STAT5B: variants seen among roughly 807,000 people sequenced by gnomAD.
STAT5B encodes transcription factor STAT5B.
A neutral mutation model predicts 107.8 loss-of-function variants in STAT5B; 21 were observed. The ratio of observed to expected loss-of-function variants is 0.19; its 90% CI spans 0.14 to 0.28. The LOEUF is 0.28. Ranked by LOEUF, STAT5B falls within the 10% of genes least tolerant of loss-of-function variation. The pLI, the probability that STAT5B is intolerant of heterozygous loss-of-function variation, is 1.00. For missense variants in STAT5B, 565 were observed against 1,008.2 expected (o/e 0.56, Z 5.95); for synonymous variants, 325 against 401.7 (o/e 0.81, Z 2.28).
chr17:42,228,027 T>C (rs1034439534), intron 2 of STAT5B, among the ~76,000 whole-genome samples: 10 of 152,130 alleles, frequency 6.6e-5, no homozygotes. Flanking sequence ...CTGAAGGAAA[T>C]AAGGACTTGG....
intron 16 of STAT5B, among the ~76,000 whole-genome samples, 192 bp downstream of exon 16, chr17:42,207,366 T>C (rs2080093163): frequency 6.6e-6 from 1 of 152,104 alleles, no homozygotes; most frequent in African/African-American, 2.4e-5. Context: ...GTAGATGTGT[T>C]TTCTGTATGA....
At chr17:42,284,791 C>T in the STAT5B span, among the ~76,000 whole-genome samples, 1 of 152,224 alleles carries the variant, frequency 6.6e-6, no homozygotes, top group African/African-American at 2.4e-5. Context: ...TACTGAGACC[C>T]TGCCCACAAG....
intron 1 of STAT5B, among the ~76,000 whole-genome samples, chr17:42,256,809 C>T (rs1046785708): frequency 3.1e-5 from 4 of 127,310 alleles, no homozygotes; most frequent in Admixed American, 3.0e-4. Flanking sequence ...GTGCAGTGAA[C>T]GGAGATTGCG....
chr17:42,217,145 G>C lies in STAT5B; in HGVS notation c.1380+15C>G, dbSNP rs1567658790. 6.2e-7 allele frequency: 1 copy of C among 1,607,966 alleles called. No homozygotes were observed. Among genetic ancestry groups the C allele is most frequent in the Admixed American group, 1.7e-5 (1 of 59,560 alleles). Reference sequence around the variant, plus strand: ...CACACGCACACGCACACGCAGAGCTGAGGGAAGGCTTTACCTTGACTTGAA... The same window carrying C: ...CACACGCACACGCACACGCAGAGCTCAGGGAAGGCTTTACCTTGACTTGAA... On this transcript the variant is annotated intron_variant, in intron 11 of 18. Transcript: ENST00000293328.
intron 1 of STAT5B, among the ~76,000 whole-genome samples, chr17:42,251,137 A>G (rs1433732288): frequency 1.3e-5 from 2 of 152,170 alleles, no homozygotes; most frequent in African/African-American, 4.8e-5. Context: ...ACAAACCTTC[A>G]AGCACAACCA....
At chr17:42,274,630 C>G (rs1308734074) in intron 1 of STAT5B, among the ~76,000 whole-genome samples, 1 of 152,136 alleles carries the variant, frequency 6.6e-6, no homozygotes, top group East Asian at 1.9e-4. Flanking sequence ...TTGAAGTGAT[C>G]AGAACCACTC....
chr17:42,219,595 A>G, intron 6 of STAT5B, 117 bp downstream of exon 6: 5 of 1,309,382 alleles, frequency 3.8e-6, no homozygotes, highest in Non-Finnish European at 5.2e-6. Flanking sequence ...GCCCCCAGGA[A>G]AAAAGGCCTC....
Position 42,256,597 on chromosome 17 carries a change from C to G in STAT5B, c.-11+19651G>C, listed in dbSNP as rs1425146064. On this transcript the variant is annotated intron_variant, in intron 1 of 18. Coordinates refer to ENST00000293328, the MANE Select transcript of STAT5B (RefSeq NM_012448.4). Reference sequence around the variant, plus strand: ...ACATTCGGCCAGGCACAGTGGCTCACGCCTGTAATCCCAGCATTTTGGGAG... The same window carrying G: ...ACATTCGGCCAGGCACAGTGGCTCAGGCCTGTAATCCCAGCATTTTGGGAG... Among the ~76,000 whole-genome samples, 5 of 152,204 alleles carry G rather than the reference C, an allele frequency of 3.3e-5. No homozygotes were observed. In the South Asian group the frequency reaches 1.0e-3, roughly 32 times the overall value.
chr17:42,205,068 C>T (rs1467022740), intron 16 of STAT5B, among the ~76,000 whole-genome samples: 3 of 152,202 alleles, frequency 2.0e-5, no homozygotes, highest in Non-Finnish European at 2.9e-5. Flanking sequence ...CGCTCTGTTG[C>T]CCAGGCTGGA....
chr17:42,224,036 C>T (rs2080252965), intron 4 of STAT5B, among the ~76,000 whole-genome samples: 1 of 152,102 alleles, frequency 6.6e-6, no homozygotes, highest in African/African-American at 2.4e-5. Flanking sequence ...GAATCATTTG[C>T]TTCCACCATG....
chr17:42,260,738 TTATA>T (rs2080587670), intron 1 of STAT5B, among the ~76,000 whole-genome samples: 1 of 152,272 alleles, frequency 6.6e-6, no homozygotes, highest in Non-Finnish European at 1.5e-5. Flanking sequence ...ATGATAATTT[TTATA>T]TATTAAAGTA....
intron 11 of STAT5B, 60 bp from the exon 12 acceptor site, chr17:42,216,166 T>TC: frequency 2.2e-6 from 1 of 458,848 alleles, no homozygotes; most frequent in African/African-American, 2.4e-5. Flanking sequence ...TCCTTCTCTC[T>TC]TTTTTTTTTT....
rs1345936754 is a variant in STAT5B, at chr17:42,224,778, C to T, written c.375+1G>A. 6.2e-7 allele frequency: 1 copy of T among 1,613,814 alleles called. No homozygotes were observed. Reference sequence around the variant, plus strand: ...CCTCCCCATCCCTATGGGACACTCACATTGTTGGCTTCTCGGACCAACCTC... The same window carrying T: ...CCTCCCCATCCCTATGGGACACTCATATTGTTGGCTTCTCGGACCAACCTC... On this transcript the variant is annotated splice_donor_variant, in intron 4 of 18. Coordinates refer to ENST00000293328, the MANE Select transcript of STAT5B (RefSeq NM_012448.4). LOFTEE classifies it high-confidence loss of function.
intron 3 of STAT5B, 25 bp downstream of exon 3, chr17:42,227,504 G>C: frequency 1.2e-6 from 2 of 1,612,576 alleles, no homozygotes; most frequent in Middle Eastern, 4.0e-4. Context: ...AGGTAATTAA[G>C]TGTGACCCCA....
chr17:42,217,120 C>T (rs1398004614), intron 11 of STAT5B, 40 bp downstream of exon 11: 1 of 1,591,242 alleles, frequency 6.3e-7, no homozygotes, highest in South Asian at 1.1e-5. Context: ...ACCACACACA[C>T]ACACGCACAC....
At chr17:42,265,268 C>T (rs1259014215) in intron 1 of STAT5B, among the ~76,000 whole-genome samples, 2 of 152,080 alleles carry the variant, frequency 1.3e-5, no homozygotes, top group Non-Finnish European at 2.9e-5. Context: ...GTGTTTTAGA[C>T]ATGAAGTCCT....
chr17:42,208,133 C>A (rs2080100968), intron 15 of STAT5B, among the ~76,000 whole-genome samples: 1 of 152,030 alleles, frequency 6.6e-6, no homozygotes, highest in Non-Finnish European at 1.5e-5. Context: ...ACCTCATGAT[C>A]CACCCACCTC....
rs745315653 is a variant in STAT5B, at chr17:42,218,248, C to T, written c.1072G>A (p.Gly358Arg). The change falls in exon 9 of 19, where the codon GGG becomes AGG. Residue 358 changes from glycine to arginine, a missense_variant. Physicochemically the swap from Gly to Arg is moderately radical, Grantham distance 125 (BLOSUM62 -2). Coordinates refer to ENST00000293328, the MANE Select transcript of STAT5B (RefSeq NM_012448.4). ...FAATVRLLVG[G>R]KLNVHMNPPQ... ...GGGTTCATGTGCACGTTCAGCTTCC[C>T]GCCCACCAGCAGGCGCACAGTGGCT... The T allele has an allele frequency of 3.7e-6, 6 of 1,614,166 alleles. No homozygotes were observed. Among genetic ancestry groups the T allele is most frequent in the South Asian group, 1.1e-5 (1 of 91,082 alleles).
At position 42,218,849 on chromosome 17, in the gene STAT5B, T is replaced by A. The variant is rs375808218; in HGVS notation, c.863A>T (p.Gln288Leu). The change falls in exon 8 of 19, where the codon CAG (glutamine) becomes CTG (leucine). Residue 288 changes from glutamine (Q) to leucine (L), a missense_variant. Physicochemically the swap from Gln to Leu is moderately radical, Grantham distance 113. This residue lies in a region of STAT5B where 48 missense variants were observed against 106.5 expected (regional missense o/e 0.45). Coordinates refer to ENST00000293328, the MANE Select transcript of STAT5B (RefSeq NM_012448.4). ...WCEKLAEIIWQNRQQIRRAEH... is the reference protein window; with the variant it reads ...WCEKLAEIIWLNRQQIRRAEH... The stretch of plus-strand genomic sequence containing the variant: ...AGCCCTGCGGATCTGCTGCCGGTTC[T>A]GCCAGATGATCTCGGCCAACTTCTC... The A allele has an allele frequency of 2.8e-5, 45 of 1,613,616 alleles. No homozygotes were observed. Among genetic ancestry groups the A allele is most frequent in the East Asian group, 1.1e-4 (5 of 44,890 alleles).
Sources: gnomAD v4.1 joint callset for allele counts (sites outside exome capture counted in the v4.1 genomes callset) on GRCh38, gnomAD v4.1.1 for gene constraint, gnomAD v4.1.1 regional missense constraint, MANE v1.5 for transcripts, NCBI Gene and HGNC (gene_info 2026-07-23, HGNC 2026-07-21) for gene names.